The following CSGALNACT2 variants were observed in gnomAD, a reference collection of about 807,000 sequenced individuals.
CSGALNACT2 encodes beta 4 GalNAcT-2.
Under a neutral mutation model 55.3 loss-of-function variants are expected in CSGALNACT2, and 35 were observed. That is an observed-to-expected ratio of 0.63 (90% CI 0.48 to 0.84). The LOEUF is 0.84. Among genes scored for constraint, CSGALNACT2 ranks in the 40% least tolerant of loss-of-function variants. The pLI is 0.00. For synonymous variants in CSGALNACT2, 196 were observed against 224.9 expected, an observed-to-expected ratio of 0.87 and a Z score of 1.15; for missense variants, 544 against 657.5, an observed-to-expected ratio of 0.83 and a Z score of 1.89.
At position 43,183,494 on chromosome 10, in the gene CSGALNACT2, G is replaced by C; in HGVS notation, c.1581G>C (p.Thr527=). 1 of 1,614,078 alleles carries C rather than the reference G, an allele frequency of 6.2e-7. No homozygotes were observed. The highest frequency in any genetic ancestry group is 8.5e-7 in the Non-Finnish European group (1 of 1,179,956). ...TGGTCTTCAGGGAGGAAATAGAGAC[G>C]CATCTTCATAAACAGGCATACAGGA... is the stretch of plus-strand genomic sequence containing the variant. ...GMLVFREEIE[T]HLHKQAYRTN... is the part of the protein sequence containing the mutation. The change falls in exon 8 of 8, where the codon ACG becomes ACC. Residue 527 remains threonine (T), a synonymous_variant. Coordinates refer to ENST00000374466, the MANE Select transcript of CSGALNACT2 (RefSeq NM_018590.5).
chr10:43,169,619 G>C (rs1477996560), intron 6 of CSGALNACT2, among the ~76,000 whole-genome samples: 1 of 152,148 alleles, frequency 6.6e-6, no homozygotes, highest in Non-Finnish European at 1.5e-5. Context: ...AGACAAGGAA[G>C]ATCAAGCCAG....
At chr10:43,150,602 C>T (rs1413950587) in intron 1 of CSGALNACT2, among the ~76,000 whole-genome samples, 1 of 151,858 alleles carries the variant, frequency 6.6e-6, no homozygotes, top group East Asian at 1.9e-4. Context: ...TCTTTTGTTC[C>T]TTGTATGTGA....
intron 1 of CSGALNACT2, among the ~76,000 whole-genome samples, chr10:43,143,354 G>A (rs967902586): frequency 1.3e-5 from 2 of 152,006 alleles, no homozygotes; most frequent in African/African-American, 2.4e-5. Context: ...TTGCTGTTAC[G>A]TGTAACACTG....
chr10:43,155,533 T>A lies in CSGALNACT2; in HGVS notation c.384T>A (p.Ile128=), dbSNP rs755203690. The A allele has an allele frequency of 6.2e-7, 1 of 1,614,198 alleles. No individual in the cohort carries two copies. The highest frequency in any genetic ancestry group is 2.2e-5 in the East Asian group (1 of 44,884). Residue 128 remains isoleucine (I), a synonymous_variant, in exon 2 of 8, where the codon ATT becomes ATA. Transcript: ENST00000374466. The stretch of plus-strand genomic sequence containing the variant: ...TTTTAGAGTTTCTTCATTCCCAAAT[T>A]GACAAAGCTGAAGTTAGCATAGGGG... ...SDLLEFLHSQ[I]DKAEVSIGAK...
intron 1 of CSGALNACT2, among the ~76,000 whole-genome samples, chr10:43,154,211 G>T (rs1197760274): frequency 6.6e-6 from 1 of 152,178 alleles, no homozygotes; most frequent in Admixed American, 6.5e-5. Flanking sequence ...TATAAACTCA[G>T]TTCCCAAATG....
In CSGALNACT2 at chr10:43,184,759, A is replaced by T. The variant is rs1353998883; in HGVS notation, c.*1217A>T. 1 of 152,238 alleles carries T rather than the reference A, an allele frequency of 6.6e-6. No homozygotes were observed. The highest frequency in any genetic ancestry group is 1.5e-5 in the Non-Finnish European group (1 of 68,028). The allele number at this position is 152,238 out of a possible 1,614,324, so 9.4% of individuals were successfully genotyped here. On this transcript the variant is annotated 3_prime_UTR_variant, in exon 8 of 8. Transcript: ENST00000374466. Reference sequence around the variant, plus strand: ...AGGACTGCACTACATTATTTGTCACACATGGATCTGTTACCATCAGGTCAA... The same window carrying T: ...AGGACTGCACTACATTATTTGTCACTCATGGATCTGTTACCATCAGGTCAA...
chr10:43,151,707 G>A (rs558024124), intron 1 of CSGALNACT2, among the ~76,000 whole-genome samples: 1 of 152,170 alleles, frequency 6.6e-6, no homozygotes, highest in Admixed American at 6.5e-5. Context: ...TAGATACCTT[G>A]GTCTCTTCAG....
In CSGALNACT2 at chr10:43,155,448, G is replaced by A. The variant is rs748214670; in HGVS notation, c.299G>A (p.Arg100Lys). ...AAGATGCGGTCACTGCAAGAAAGAA[G>A]GAATGTAGGGGCTAATGGCATAGGC... ...SEKMRSLQER[R>K]NVGANGIGYQ... is the part of the protein sequence containing the mutation. Residue 100 changes from arginine to lysine, a missense_variant, in exon 2 of 8, where the codon AGG (arginine) becomes AAG (lysine). Coordinates refer to ENST00000374466, the MANE Select transcript of CSGALNACT2 (RefSeq NM_018590.5). 1 of 1,614,174 alleles carries A rather than the reference G, an allele frequency of 6.2e-7. No individual in the cohort carries two copies. Among genetic ancestry groups the A allele is most frequent in the Non-Finnish European group, 8.5e-7 (1 of 1,180,036 alleles).
At chr10:43,163,198 T>C in intron 4 of CSGALNACT2, 1 of 985,198 alleles carries the variant, frequency 1.0e-6, no homozygotes, top group Non-Finnish European at 1.2e-6. Context: ...TAACATCTTC[T>C]CTAACTACTC....
At chr10:43,164,862 A>T (rs1007365819) in intron 5 of CSGALNACT2, among the ~76,000 whole-genome samples, 17 of 151,962 alleles carry the variant, frequency 1.1e-4, no homozygotes, top group African/African-American at 4.1e-4. Context: ...AAAAAAAAAA[A>T]TTAATGAGAA....
intron 2 of CSGALNACT2, among the ~76,000 whole-genome samples, chr10:43,158,257 G>C (rs932983345): frequency 6.6e-6 from 1 of 151,690 alleles, no homozygotes; most frequent in East Asian, 1.9e-4. Context: ...TCCTTCACTA[G>C]ACTGGCCCTG....
chr10:43,165,883 G>A (rs1167384698), intron 5 of CSGALNACT2, among the ~76,000 whole-genome samples: 1 of 152,154 alleles, frequency 6.6e-6, no homozygotes, highest in Non-Finnish European at 1.5e-5. Flanking sequence ...TTGCGAGGCT[G>A]AGGCAGAAGA....
chr10:43,145,092 A>G (rs993078596), intron 1 of CSGALNACT2, among the ~76,000 whole-genome samples: 3 of 152,198 alleles, frequency 2.0e-5, no homozygotes, highest in African/African-American at 7.2e-5. Flanking sequence ...CTCTACACCT[A>G]GAAGCTGCTA....
At position 43,155,766 on chromosome 10, in the gene CSGALNACT2, C is replaced by A. The variant is rs199917944; in HGVS notation, c.617C>A (p.Pro206His). 6.2e-7 allele frequency: 1 copy of A among 1,612,076 alleles called. No individual in the cohort carries two copies. The highest frequency in any genetic ancestry group is 1.3e-5 in the African/African-American group (1 of 74,738). The change falls in exon 2 of 8, where the codon CCC becomes CAC. Residue 206 changes from proline (P) to histidine (H), a missense_variant. Pro to His is a moderately conservative substitution (Grantham distance 77). Transcript: ENST00000374466. ...EDDEQEDEEG[P>H]LGEKLIFNEN... ...GATGAACAAGAAGATGAGGAGGGTCCCCTTGGAGAGAAACTGATATTTAAT... is the reference window on the plus strand; with the variant it reads ...GATGAACAAGAAGATGAGGAGGGTCACCTTGGAGAGAAACTGATATTTAAT...
intron 7 of CSGALNACT2, among the ~76,000 whole-genome samples, chr10:43,178,418 C>G (rs1055070233): frequency 1.3e-5 from 2 of 152,164 alleles, no homozygotes; most frequent in African/African-American, 2.4e-5. Context: ...GTCAGGAGAT[C>G]AAGATCATCC....
chr10:43,159,541 A>G (rs1160182289), intron 3 of CSGALNACT2, among the ~76,000 whole-genome samples: 1 of 152,138 alleles, frequency 6.6e-6, no homozygotes, highest in East Asian at 1.9e-4. Flanking sequence ...CTCACGAACC[A>G]CCACCCCAAT....
chr10:43,161,308 GTTC>G (rs1012997139), intron 4 of CSGALNACT2, among the ~76,000 whole-genome samples: 2 of 152,038 alleles, frequency 1.3e-5, no homozygotes, highest in African/African-American at 2.4e-5. Context: ...GTCTTAAAAT[GTTC>G]TTCTTGTGTT....
Position 43,163,476 on chromosome 10 carries a change from G to A in CSGALNACT2, c.981-390G>A, listed in dbSNP as rs187629238. ...GAGGATCCCTCTGATAAGGCGACAT[G>A]TGTGCAAAGACCTAACGGATGCAAG... On this transcript the variant is annotated intron_variant, in intron 4 of 7. Coordinates refer to ENST00000374466, the MANE Select transcript of CSGALNACT2 (RefSeq NM_018590.5). 1.7e-5 allele frequency: 17 copies of A among 976,520 alleles called. No individual in the cohort carries two copies. The East Asian group carries it at 9.1e-4, about 52-fold the overall frequency. The allele number at this position is 976,520 out of a possible 1,614,324, so 60.5% of individuals were successfully genotyped here.
At chr10:43,143,167 T>G (rs552309555) in intron 1 of CSGALNACT2, among the ~76,000 whole-genome samples, 2 of 152,358 alleles carry the variant, frequency 1.3e-5, no homozygotes, top group South Asian at 4.1e-4. Context: ...AAGCCTATTG[T>G]GGACAAGACA....
Sources: gnomAD v4.1 joint callset for allele counts (sites outside exome capture counted in the v4.1 genomes callset) on GRCh38, gnomAD v4.1.1 for gene constraint, MANE v1.5 for transcripts, NCBI Gene and HGNC (gene_info 2026-07-23, HGNC 2026-07-21) for gene names.